The following PKNOX1 variants were observed in gnomAD, a reference collection of about 807,000 sequenced individuals.
PKNOX1 encodes the protein homeobox protein PKNOX1.
PKNOX1 carries 15 observed loss-of-function variants against 51.9 expected under a neutral mutation model. The observed-to-expected ratio is 0.29, with a 90% CI of 0.19 to 0.45. The LOEUF (loss-of-function observed/expected upper bound fraction) is 0.45, where lower values mean the gene tolerates loss of function less well. Among genes scored for constraint, PKNOX1 ranks in the 20% least tolerant of loss-of-function variants. The probability of loss-of-function intolerance (pLI) is 1.00; values close to 1 mark genes in which losing one functional copy is unlikely to be tolerated. For missense variants in PKNOX1, 462 were observed against 547.5 expected (o/e 0.84, Z 1.56); for synonymous variants, 219 against 211.1 (o/e 1.04, Z -0.32).
intron 1 of PKNOX1, among the ~76,000 whole-genome samples, chr21:43,000,117 C>G (rs1422538295): frequency 6.6e-6 from 1 of 152,130 alleles, no homozygotes; most frequent in African/African-American, 2.4e-5. Context: ...TTCAACAAGT[C>G]TCTAGGAAGT....
chr21:42,984,924 A>G (rs1039648285), intron 1 of PKNOX1, among the ~76,000 whole-genome samples: 9 of 145,968 alleles, frequency 6.2e-5, no homozygotes, highest in Non-Finnish European at 1.3e-4. Flanking sequence ...GAGGCTGTCC[A>G]TGGGAAAGGG....
At chr21:42,983,719 C>T (rs928654542) in intron 1 of PKNOX1, among the ~76,000 whole-genome samples, 9 of 152,136 alleles carry the variant, frequency 5.9e-5, no homozygotes, top group African/African-American at 9.7e-5. Context: ...TCCGATTTTT[C>T]GCAGCAACTG....
At chr21:42,993,192 G>A (rs1236485444) in intron 1 of PKNOX1, among the ~76,000 whole-genome samples, 1 of 152,166 alleles carries the variant, frequency 6.6e-6, no homozygotes, top group Non-Finnish European at 1.5e-5. Context: ...AGAGTTGGGG[G>A]ATGCACTGGC....
In PKNOX1 at chr21:42,985,636, G is replaced by A. The variant is rs372716274; in HGVS notation, c.-57+10972G>A. ...AGGAGTGAGCCACCACGTCCGGCCA[G>A]GGTCTTAAAACTTTGATGCGAATTT... is the stretch of plus-strand genomic sequence containing the variant. On this transcript the variant is annotated intron_variant, in intron 1 of 10. Transcript: ENST00000291547. Among the ~76,000 whole-genome samples the A allele has an allele frequency of 6.6e-5, 10 of 151,550 alleles. No individual in the cohort carries two copies. The East Asian group carries it at 1.4e-3, about 21-fold the overall frequency.
At chr21:43,024,811 A>G (rs767271402) in intron 8 of PKNOX1, 60 bp from the exon 9 acceptor site, 2 of 1,113,362 alleles carry the variant, frequency 1.8e-6, no homozygotes, top group South Asian at 2.5e-5. Flanking sequence ...TTTTGCCTAA[A>G]TCGTCTTGAT....
chr21:43,030,790 TA>T lies in PKNOX1; in HGVS notation c.*690del, dbSNP rs1486465953. 1 of 152,344 alleles carries T rather than the reference TA, an allele frequency of 6.6e-6. No individual in the cohort carries two copies. Among genetic ancestry groups the T allele is most frequent in the Non-Finnish European group, 1.5e-5 (1 of 68,042 alleles). 9.4% of individuals were successfully genotyped at this position (152,344 alleles called of 1,614,324 possible). A position where few individuals can be genotyped will look rare whatever the true frequency, so the allele number is the denominator to read the frequency against. On this transcript the variant is annotated 3_prime_UTR_variant, in exon 11 of 11. Coordinates refer to ENST00000291547, the MANE Select transcript of PKNOX1 (RefSeq NM_004571.5). ...AGAAACAATACATGCTTGCTATTAATATTTCAATTTGGAATGTTCTGAATTG... is the reference window on the plus strand; with the variant it reads ...AGAAACAATACATGCTTGCTATTAATTTTCAATTTGGAATGTTCTGAATTG...
chr21:43,007,245 T>A (rs906812996), intron 2 of PKNOX1, among the ~76,000 whole-genome samples: 7 of 152,238 alleles, frequency 4.6e-5, no homozygotes, highest in Non-Finnish European at 1.0e-4. Context: ...CCATCGCCAG[T>A]GTTATTTTAA....
intron 1 of PKNOX1, among the ~76,000 whole-genome samples, chr21:42,987,404 A>AAATATATATATATATATAT: frequency 1.2e-4 from 5 of 41,412 alleles, no homozygotes; most frequent in Admixed American, 3.1e-4. Flanking sequence ...AAAAAAAAAA[A>AAATATATATATATATATAT]ATATATATAT....
chr21:43,016,539 T>C (rs1979495151), intron 5 of PKNOX1, among the ~76,000 whole-genome samples: 1 of 152,150 alleles, frequency 6.6e-6, no homozygotes, highest in African/African-American at 2.4e-5. Context: ...GCTTGGTTCA[T>C]GGAAAACTCA....
At chr21:43,003,410 T>C (rs949994664) in intron 1 of PKNOX1, among the ~76,000 whole-genome samples, 2 of 152,160 alleles carry the variant, frequency 1.3e-5, no homozygotes, top group African/African-American at 4.8e-5. Context: ...CACTTGCCTG[T>C]CTTATGTGCG....
At chr21:43,001,990 T>C (rs370533990) in intron 1 of PKNOX1, among the ~76,000 whole-genome samples, 9 of 144,518 alleles carry the variant, frequency 6.2e-5, no homozygotes, top group Non-Finnish European at 1.2e-4. Flanking sequence ...TAAATAAAAA[T>C]AAAAATAAAG....
At chr21:42,982,844 C>G (rs1468916921) in intron 1 of PKNOX1, among the ~76,000 whole-genome samples, 2 of 151,790 alleles carry the variant, frequency 1.3e-5, no homozygotes, top group Non-Finnish European at 2.9e-5. Flanking sequence ...GGGGCTTGCT[C>G]TGTTGCCCAG....
At chr21:43,007,682 A>C in intron 3 of PKNOX1, 64 bp downstream of exon 3, 1 of 1,582,538 alleles carries the variant, frequency 6.3e-7, no homozygotes, top group Non-Finnish European at 8.7e-7. Context: ...AAGTTTGTTA[A>C]AAGGAACACC....
chr21:43,014,019 C>CTTTT (rs149943829), intron 5 of PKNOX1, among the ~76,000 whole-genome samples: 6 of 120,430 alleles, frequency 5.0e-5, no homozygotes, highest in African/African-American at 6.8e-5. Flanking sequence ...TGTCTTTTGC[C>CTTTT]TTTTTTTTTT....
intron 1 of PKNOX1, among the ~76,000 whole-genome samples, chr21:43,002,404 G>GC (rs529068532): frequency 0.078 from 4,258 of 54,626 alleles, 145 homozygotes; most frequent in Non-Finnish European, 0.15. Flanking sequence ...CATTGACTGT[G>GC]CCCCCTCCCT....
At chr21:42,996,320 G>A (rs774171753) in intron 1 of PKNOX1, among the ~76,000 whole-genome samples, 6 of 152,126 alleles carry the variant, frequency 3.9e-5, no homozygotes, top group Non-Finnish European at 7.4e-5. Context: ...GGCCATGGAC[G>A]GAAAATTTAA....
intron 9 of PKNOX1, among the ~76,000 whole-genome samples, chr21:43,028,023 G>A (rs936311903): frequency 2.0e-5 from 3 of 152,238 alleles, no homozygotes; most frequent in African/African-American, 7.2e-5. Flanking sequence ...TGACAGAGTC[G>A]CCAGCGTCTG....
At chr21:42,993,058 C>T (rs2059096619) in intron 1 of PKNOX1, among the ~76,000 whole-genome samples, 1 of 152,132 alleles carries the variant, frequency 6.6e-6, no homozygotes, top group Non-Finnish European at 1.5e-5. Context: ...CCTTTTCTAA[C>T]CCAGCTCTGG....
chr21:43,016,080 T>G (rs1979475588), intron 5 of PKNOX1, among the ~76,000 whole-genome samples: 1 of 152,246 alleles, frequency 6.6e-6, no homozygotes, highest in Non-Finnish European at 1.5e-5. Context: ...GCCACTAAGC[T>G]TACACATTCC....
Sources: allele counts gnomAD v4.1 joint callset (sites outside exome capture counted in the v4.1 genomes callset), GRCh38; gene constraint gnomAD v4.1.1; transcripts MANE v1.5; gene names NCBI Gene and HGNC (gene_info 2026-07-23, HGNC 2026-07-21).